TNRC6A: variants seen among roughly 807,000 people sequenced by gnomAD.
The protein encoded by TNRC6A is trinucleotide repeat-containing gene 6A protein.
Under a neutral mutation model 221.2 loss-of-function variants are expected in TNRC6A, and 44 were observed. That is an observed-to-expected ratio of 0.20 (90% confidence interval 0.16 to 0.26). TNRC6A has a LOEUF of 0.26. Ranked by LOEUF, TNRC6A falls within the 10% of genes least tolerant of loss-of-function variation. The pLI, the probability that TNRC6A is intolerant of heterozygous loss-of-function variation, is 1.00. For synonymous variants in TNRC6A, 847 were observed against 838.5 expected (o/e 1.01, Z -0.18); for missense variants, 2,199 against 2,404.4 (o/e 0.91, Z 1.79).
chr16:24,761,455 G>T (rs2057360924), intron 4 of TNRC6A, among the ~76,000 whole-genome samples: 1 of 152,172 alleles, frequency 6.6e-6, no homozygotes, highest in African/African-American at 2.4e-5. Context: ...TAATGTAAAG[G>T]CAAGGAAAGA....
At chr16:24,776,870 C>A in intron 4 of TNRC6A, 63 bp from the exon 5 acceptor site, 1 of 1,539,782 alleles carries the variant, frequency 6.5e-7, no homozygotes, top group Admixed American at 2.0e-5. Context: ...ATTTAGATGG[C>A]TTACTTTGGA....
intron 2 of TNRC6A, among the ~76,000 whole-genome samples, chr16:24,670,040 C>G (rs2055262633): frequency 6.9e-6 from 1 of 144,774 alleles, no homozygotes; most frequent in Admixed American, 7.2e-5. Context: ...ACCTCTACCT[C>G]CCAGGCTCAA....
intron 1 of TNRC6A, among the ~76,000 whole-genome samples, chr16:24,634,359 G>A (rs62027065): frequency 0.055 from 8,418 of 152,068 alleles, 328 homozygotes; most frequent in East Asian, 0.15. Flanking sequence ...AAGCCCAGGA[G>A]GCAGAGGTTG....
upstream of TNRC6A, among the ~76,000 whole-genome samples, chr16:24,724,881 A>G (rs1360806078): frequency 6.6e-6 from 1 of 152,162 alleles, no homozygotes; most frequent in African/African-American, 2.4e-5. Context: ...TATATATCTC[A>G]CAATGCTGTT....
At chr16:24,621,660 C>A (rs1035187875) in intron 1 of TNRC6A, among the ~76,000 whole-genome samples, 23 of 151,948 alleles carry the variant, frequency 1.5e-4, no homozygotes, top group Admixed American at 6.6e-5. Context: ...GCCTGGCCAA[C>A]CTTTCTTAGC....
At chr16:24,714,449 C>T (rs913961086) in intron 2 of TNRC6A, among the ~76,000 whole-genome samples, 1 of 151,556 alleles carries the variant, frequency 6.6e-6, no homozygotes, top group Admixed American at 6.6e-5. Context: ...GCTGGGACTA[C>T]AGGTGCCCAC....
intron 2 of TNRC6A, among the ~76,000 whole-genome samples, chr16:24,684,609 C>T (rs1046485243): frequency 6.6e-6 from 1 of 151,936 alleles, no homozygotes; most frequent in African/African-American, 2.4e-5. Context: ...AGTGCAAGAC[C>T]AACCTGGGCA....
At chr16:24,755,518 G>A (rs952418690) in intron 3 of TNRC6A, among the ~76,000 whole-genome samples, 5 of 152,216 alleles carry the variant, frequency 3.3e-5, no homozygotes, top group African/African-American at 9.6e-5. Context: ...ACAACTCTGA[G>A]GTGGGTGTTT....
At chr16:24,810,958 G>GC (rs1567512715) in intron 18 of TNRC6A, among the ~76,000 whole-genome samples, 4 of 152,138 alleles carry the variant, frequency 2.6e-5, no homozygotes, top group Non-Finnish European at 4.4e-5. Flanking sequence ...TTGCATAACT[G>GC]ATCAGCTAGT....
chr16:24,760,793 C>T (rs2057347016), intron 4 of TNRC6A, among the ~76,000 whole-genome samples: 2 of 152,170 alleles, frequency 1.3e-5, no homozygotes. Flanking sequence ...AGAGACTTCT[C>T]ATATACGCTT....
chr16:24,673,775 C>T (rs1034438893), intron 2 of TNRC6A, among the ~76,000 whole-genome samples: 6 of 152,144 alleles, frequency 3.9e-5, no homozygotes, highest in Non-Finnish European at 8.8e-5. Context: ...CAGGGCTGGT[C>T]TTGAACTCCT....
At chr16:24,688,099 A>AT (rs368284938) in intron 2 of TNRC6A, among the ~76,000 whole-genome samples, 27,453 of 143,364 alleles carry the variant, frequency 0.19, 2,695 homozygotes, top group East Asian at 0.33. Context: ...TGCCCTGCTA[A>AT]TTTTTTTTTT....
chr16:24,789,644 A>T lies in TNRC6A; in HGVS notation c.1002A>T (p.Lys334Asn), dbSNP rs2058053713. Residue 334 changes from lysine (K) to asparagine (N), a missense_variant, in exon 6 of 25, where the codon AAA becomes AAT. Lys to Asn is a moderately conservative substitution (Grantham distance 94, BLOSUM62 0). This residue lies in a region of TNRC6A where 1,405 missense variants were observed against 1,400.2 expected (regional missense o/e 1.00). Transcript: ENST00000395799. ...TCTCTGTGGATGCTCCTGAAAGCAA[A>T]TCTGAAAGTAGCAACAATAGAATGA... Reference protein sequence around the residue: ...CQVSVDAPESKSESSNNRMNA... With the variant: ...CQVSVDAPESNSESSNNRMNA... 2 of 1,614,176 alleles carry T rather than the reference A, an allele frequency of 1.2e-6. No individual in the cohort carries two copies. Among genetic ancestry groups the T allele is most frequent in the Non-Finnish European group, 1.7e-6 (2 of 1,180,052 alleles).
intron 11 of TNRC6A, among the ~76,000 whole-genome samples, chr16:24,800,288 C>G (rs1366457155): frequency 1.3e-5 from 2 of 152,200 alleles, no homozygotes; most frequent in Non-Finnish European, 2.9e-5. Context: ...GAGACACATA[C>G]CGCATCCTCC....
At chr16:24,694,162 TC>T (rs1194823130) in intron 2 of TNRC6A, among the ~76,000 whole-genome samples, 1 of 151,868 alleles carries the variant, frequency 6.6e-6, no homozygotes, top group Non-Finnish European at 1.5e-5. Context: ...GACTCACGCC[TC>T]CCCTCTTACA....
chr16:24,815,282 C>T lies in TNRC6A; in HGVS notation c.4808C>T (p.Ser1603Phe), dbSNP rs755482142. The T allele has an allele frequency of 3.7e-6, 6 of 1,614,230 alleles. No homozygotes were observed. Among genetic ancestry groups the T allele is most frequent in the Non-Finnish European group, 5.1e-6 (6 of 1,180,046 alleles). ...GWPRAKSPNGSSSVNWPPEFR... is the reference protein window; with the variant it reads ...GWPRAKSPNGFSSVNWPPEFR... ...CCACGTGCCAAATCGCCTAACGGCT[C>T]TAGCAGTGTTAATTGGCCACCAGGT... The change falls in exon 19 of 25, where the codon TCT (serine) becomes TTT (phenylalanine). Residue 1603 changes from serine (S) to phenylalanine (F), a missense_variant. Physicochemically the swap from Ser to Phe is radical, Grantham distance 155. This residue lies in a region of TNRC6A where 449 missense variants were observed against 579.7 expected (regional missense o/e 0.77). Transcript: ENST00000395799.
At chr16:24,739,127 A>G (rs933379170) in intron 2 of TNRC6A, among the ~76,000 whole-genome samples, 10 of 152,228 alleles carry the variant, frequency 6.6e-5, no homozygotes, top group Admixed American at 3.9e-4. Flanking sequence ...ACAGTTCTAC[A>G]TTCTCATCAG....
rs541223629 is a variant in TNRC6A at position 24,801,343 on chromosome 16, G to A, written c.3695-2834G>A. Among the ~76,000 whole-genome samples the A allele has an allele frequency of 1.5e-3, 221 of 152,250 alleles. 1 individual carries two copies. Among genetic ancestry groups the A allele is most frequent in the Admixed American group, 2.9e-3 (45 of 15,286 alleles). The stretch of plus-strand genomic sequence containing the variant: ...TTTTCAGACGCCAAGTGAGTACAGA[G>A]TTTTGAAAAGAAAAAACTGATTGTC... On this transcript the variant is annotated intron_variant, in intron 11 of 24. Transcript: ENST00000395799.
chr16:24,822,191 G>A lies in TNRC6A; in HGVS notation c.5373+44G>A, dbSNP rs201906237. Reference sequence around the variant, plus strand: ...CTGGTTTATGTGGCTACGCCAGGGAGCATGGGAACAGAGGTTCGGGTCTGT... The same window carrying A: ...CTGGTTTATGTGGCTACGCCAGGGAACATGGGAACAGAGGTTCGGGTCTGT... On this transcript the variant is annotated intron_variant, in intron 23 of 24. Coordinates refer to ENST00000395799, the MANE Select transcript of TNRC6A (RefSeq NM_014494.4). 26 of 1,594,678 alleles carry A rather than the reference G, an allele frequency of 1.6e-5. No homozygotes were observed. The East Asian group carries it at 2.2e-4, about 14-fold the overall frequency.
Sources: allele counts gnomAD v4.1 joint callset (sites outside exome capture counted in the v4.1 genomes callset), GRCh38; gene constraint gnomAD v4.1.1; regional missense constraint gnomAD v4.1.1; transcripts MANE v1.5; gene names NCBI Gene and HGNC (gene_info 2026-07-23, HGNC 2026-07-21).